The following CRYZL1 variants were observed in gnomAD, a reference collection of about 807,000 sequenced individuals.
CRYZL1 encodes ferry endosomal RAB5 effector complex subunit 4.
Under a neutral mutation model 50.6 loss-of-function variants are expected in CRYZL1, and 34 were observed. That is an observed-to-expected ratio of 0.67 (90% CI 0.51 to 0.89). The LOEUF (loss-of-function observed/expected upper bound fraction) is 0.89, where lower values mean the gene tolerates loss of function less well. Ranked by LOEUF, CRYZL1 falls within the 40% of genes least tolerant of loss-of-function variation. The pLI, the probability that CRYZL1 is intolerant of heterozygous loss-of-function variation, is 0.00. For synonymous variants in CRYZL1, 125 were observed against 134.3 expected (o/e 0.93, Z 0.48); for missense variants, 354 against 402.3 (o/e 0.88, Z 1.03).
Position 33,602,305 on chromosome 21 carries a change from C to T in CRYZL1, c.506G>A (p.Gly169Glu), listed in dbSNP as rs758382264. The change falls in exon 8 of 13, where the codon GGA becomes GAA. Residue 169 changes from glycine to glutamate, a missense_variant. Transcript: ENST00000381554. ...TIAIQLAHHR[G>E]AKVISTACSL... ...GCATGCTGTTGAAATCACTTTGGCT[C>T]CTCTATGATGTGCTAACTGAATAGC... 2 of 1,612,590 alleles carry T rather than the reference C, an allele frequency of 1.2e-6. No individual in the cohort carries two copies. The highest frequency in any genetic ancestry group is 2.2e-5 in the South Asian group (2 of 91,056).
Position 33,628,099 on chromosome 21 carries a change from G to T in CRYZL1, c.67-3339C>A, listed in dbSNP as rs374133800. 1.4e-4 allele frequency among the ~76,000 whole-genome samples: 21 copies of T among 152,244 alleles called. No homozygotes were observed. In the East Asian group the frequency reaches 3.9e-3, roughly 28 times the overall value. On this transcript the variant is annotated intron_variant, in intron 2 of 12. Coordinates refer to ENST00000381554, the MANE Select transcript of CRYZL1 (RefSeq NM_145858.3). The stretch of plus-strand genomic sequence containing the variant: ...CTTTCTGGAAACTTGCATTATTGTG[G>T]TATTCGGAATACATTGGGTTACTTT...
At chr21:33,613,735 G>GA (rs1302276995) in intron 5 of CRYZL1, 129 bp from the exon 6 acceptor site, 1 of 663,694 alleles carries the variant, frequency 1.5e-6, no homozygotes, top group South Asian at 1.8e-5. Flanking sequence ...GTGTGGACAA[G>GA]AAAAAATTCA....
chr21:33,600,348 T>C (rs924710514), intron 8 of CRYZL1, among the ~76,000 whole-genome samples: 1 of 152,200 alleles, frequency 6.6e-6, no homozygotes, highest in Non-Finnish European at 1.5e-5. Context: ...ATTAATAGAA[T>C]ATAAATTATT....
At chr21:33,635,414 C>G (rs1218139645) in intron 1 of CRYZL1, among the ~76,000 whole-genome samples, 1 of 145,646 alleles carries the variant, frequency 6.9e-6, no homozygotes, top group Non-Finnish European at 1.5e-5. Context: ...GCAGTGGCGC[C>G]ATCTCAGCTC....
Position 33,627,960 on chromosome 21 carries a change from C to T in CRYZL1, c.67-3200G>A, listed in dbSNP as rs541960148. Among the ~76,000 whole-genome samples, 68 of 151,978 alleles carry T rather than the reference C, an allele frequency of 4.5e-4. 1 individual carries two copies. Among genetic ancestry groups the T allele is most frequent in the African/African-American group, 1.5e-3 (63 of 41,456 alleles). On this transcript the variant is annotated intron_variant, in intron 2 of 12. Transcript: ENST00000381554. ...CAGGGTTTCACCGTGTTAGCCAGGA[C>T]GGTCTCGATCTCCTGACCTCATGAT...
chr21:33,610,727 G>GTTTTTTTTTTTTTT lies in CRYZL1; in HGVS notation c.331+2797_331+2810dup, dbSNP rs747790692. Among the ~76,000 whole-genome samples, 2 of 101,432 alleles carry GTTTTTTTTTTTTTT rather than the reference G, an allele frequency of 2.0e-5. 1 individual carries two copies. The highest frequency in any genetic ancestry group is 2.1e-4 in the Admixed American group (2 of 9,308). The allele number at this position is 101,432 out of a possible 152,430, so 66.5% of individuals were successfully genotyped here. A position where few individuals can be genotyped will look rare whatever the true frequency, so the allele number is the denominator to read the frequency against. On this transcript the variant is annotated intron_variant, in intron 6 of 12. Transcript: ENST00000381554. ...CTAAAGGAATGGGCCTTGTTTGGTT[G>GTTTTTTTTTTTTTT]TTTTTTTTTTTTTTTTTTTTTTTTG...
chr21:33,603,927 T>C (rs1284311833), intron 6 of CRYZL1, among the ~76,000 whole-genome samples: 1 of 152,234 alleles, frequency 6.6e-6, no homozygotes, highest in Non-Finnish European at 1.5e-5. Flanking sequence ...AATTTCTTAT[T>C]TGTATCACTC....
chr21:33,631,579 T>G, intron 1 of CRYZL1, 22 bp from the exon 2 acceptor site: 2 of 1,382,140 alleles, frequency 1.4e-6, no homozygotes, highest in Non-Finnish European at 1.9e-6. Context: ...TATATATAAA[T>G]GAAATAAAAT....
intron 1 of CRYZL1, among the ~76,000 whole-genome samples, chr21:33,632,496 G>GC (rs1311373089): frequency 1.3e-5 from 2 of 151,084 alleles, no homozygotes; most frequent in Admixed American, 6.6e-5. Flanking sequence ...GCCTGCCTCA[G>GC]CCCCCCTAGT....
intron 11 of CRYZL1, chr21:33,595,346 AGT>A (rs1204267846): frequency 1.6e-6 from 2 of 1,267,356 alleles, no homozygotes; most frequent in African/African-American, 3.1e-5. Flanking sequence ...CATAGGAGTA[AGT>A]GTGCAACCTT....
At position 33,592,288 on chromosome 21, in the gene CRYZL1, G is replaced by A. The variant is rs1324006197; in HGVS notation, c.905-1081C>T. Among the ~76,000 whole-genome samples the A allele has an allele frequency of 4.6e-5, 7 of 151,412 alleles. No homozygotes were observed. In the East Asian group the frequency reaches 5.8e-4, roughly 13 times the overall value. On this transcript the variant is annotated intron_variant, in intron 11 of 12. Coordinates refer to ENST00000381554, the MANE Select transcript of CRYZL1 (RefSeq NM_145858.3). ...GTAGCTGGGACCACAGCAATTCACC[G>A]CCACACCAGGTTAATTTATTTTTAT... is the stretch of plus-strand genomic sequence containing the variant.
At chr21:33,620,849 G>C (rs2086988791) in intron 4 of CRYZL1, among the ~76,000 whole-genome samples, 1 of 145,684 alleles carries the variant, frequency 6.9e-6, no homozygotes, top group Non-Finnish European at 1.5e-5. Context: ...AACCAAAGAA[G>C]CTAGACAAAG....
intron 10 of CRYZL1, chr21:33,596,249 T>C (rs746307772): frequency 1.2e-5 from 5 of 426,524 alleles, no homozygotes; most frequent in Middle Eastern, 3.5e-4. Flanking sequence ...GTAATTCCAA[T>C]TTGAATAATT....
intron 4 of CRYZL1, chr21:33,616,961 G>C: frequency 2.8e-6 from 1 of 353,872 alleles, no homozygotes; most frequent in South Asian, 6.4e-5. Flanking sequence ...AGATATTTGG[G>C]CCATGCGATT....
intron 6 of CRYZL1, among the ~76,000 whole-genome samples, chr21:33,608,713 T>A (rs990175807): frequency 6.6e-6 from 1 of 152,216 alleles, no homozygotes; most frequent in East Asian, 1.9e-4. Context: ...TTCCTGCTTT[T>A]TAAAGGCTGA....
At chr21:33,631,458 A>T in intron 2 of CRYZL1, 28 bp downstream of exon 2, 1 of 1,447,360 alleles carries the variant, frequency 6.9e-7, no homozygotes, top group Non-Finnish European at 9.3e-7. Flanking sequence ...TACACTAACT[A>T]CTTTAATGAT....
intron 2 of CRYZL1, among the ~76,000 whole-genome samples, chr21:33,625,237 G>A (rs916935139): frequency 6.6e-6 from 1 of 150,900 alleles, no homozygotes; most frequent in African/African-American, 2.4e-5. Flanking sequence ...CTCACTGCAA[G>A]CTCTGCCTCC....
chr21:33,641,544 G>A lies in CRYZL1; in HGVS notation c.-7+137C>T, dbSNP rs1319335637. 4 of 425,434 alleles carry A rather than the reference G, an allele frequency of 9.4e-6. No homozygotes were observed. The Admixed American group carries it at 1.2e-4, about 13-fold the overall frequency. The allele number at this position is 425,434 out of a possible 1,614,324, so 26.4% of individuals were successfully genotyped here. Reference sequence around the variant, plus strand: ...AGCGGCCTCAGCTAAGCTAGGCCTGGGCCCGAACAAGTCCCAGGTTAGGGT... The same window carrying A: ...AGCGGCCTCAGCTAAGCTAGGCCTGAGCCCGAACAAGTCCCAGGTTAGGGT... On this transcript the variant is annotated intron_variant, in intron 1 of 12. Transcript: ENST00000381554.
At chr21:33,635,830 A>C (rs1473420078) in intron 1 of CRYZL1, among the ~76,000 whole-genome samples, 1 of 151,814 alleles carries the variant, frequency 6.6e-6, no homozygotes, top group African/African-American at 2.4e-5. Flanking sequence ...AAAATACAAA[A>C]ATTAGCTGGG....
Sources: allele counts gnomAD v4.1 joint callset (sites outside exome capture counted in the v4.1 genomes callset), GRCh38; gene constraint gnomAD v4.1.1; transcripts MANE v1.5; gene names NCBI Gene and HGNC (gene_info 2026-07-23, HGNC 2026-07-21).